Variants in GRIN3A observed in about 807,000 individuals in gnomAD.
The protein encoded by GRIN3A is glutamate ionotropic receptor NMDA type subunit 3A, also known as glutamate receptor ionotropic, NMDA 3A.
Under a neutral mutation model 92.4 loss-of-function variants are expected in GRIN3A, and 47 were observed. The ratio of observed to expected loss-of-function variants is 0.51; its 90% CI spans 0.40 to 0.65. The LOEUF (loss-of-function observed/expected upper bound fraction) is 0.65, where lower values mean the gene tolerates loss of function less well. Ranked by LOEUF, GRIN3A falls within the 30% of genes least tolerant of loss-of-function variation. GRIN3A has a pLI of 0.00. For missense variants in GRIN3A, 1,324 were observed against 1,393.1 expected (o/e 0.95, Z 0.79); for synonymous variants, 527 against 540.6 (o/e 0.97, Z 0.35).
In GRIN3A at chr9:101,631,983, G is replaced by C. The variant is rs147183295; in HGVS notation, c.2353-3582C>G. Among the ~76,000 whole-genome samples the C allele has an allele frequency of 8.4e-3, 1,282 of 152,252 alleles. 4 individuals are homozygous for C. Among genetic ancestry groups the C allele is most frequent in the Middle Eastern group, 0.024 (7 of 294 alleles). The stretch of plus-strand genomic sequence containing the variant: ...ATCAATGGCTCCCCCATGGCCCTTG[G>C]GATGAAGTCCAAACTCCTCACATGG... On this transcript the variant is annotated intron_variant, in intron 3 of 8. Transcript: ENST00000361820.
At chr9:101,700,719 C>T (rs1829741722) in intron 1 of GRIN3A, among the ~76,000 whole-genome samples, 1 of 152,036 alleles carries the variant, frequency 6.6e-6, no homozygotes, top group Non-Finnish European at 1.5e-5. Flanking sequence ...GTCAACTTTT[C>T]AGTTATTTAT....
At chr9:101,679,396 T>C (rs1432323123) in intron 2 of GRIN3A, among the ~76,000 whole-genome samples, 1 of 152,224 alleles carries the variant, frequency 6.6e-6, no homozygotes, top group Non-Finnish European at 1.5e-5. Context: ...TAAGTAAATT[T>C]GAGCTGTATT....
chr9:101,595,066 G>A, intron 6 of GRIN3A: 1 of 814,922 alleles, frequency 1.2e-6, no homozygotes, highest in Non-Finnish European at 1.9e-6. Flanking sequence ...AAAAGGGCAG[G>A]GGAGCGGAGG....
At chr9:101,701,905 A>C (rs1361743209) in intron 1 of GRIN3A, among the ~76,000 whole-genome samples, 1 of 152,110 alleles carries the variant, frequency 6.6e-6, no homozygotes, top group African/African-American at 2.4e-5. Flanking sequence ...ATCTCCCACC[A>C]GCTTACAGAT....
intron 6 of GRIN3A, among the ~76,000 whole-genome samples, chr9:101,604,919 C>T (rs1828258601): frequency 6.6e-6 from 1 of 152,190 alleles, no homozygotes; most frequent in Admixed American, 6.5e-5. Context: ...AATGGATCTG[C>T]TGTGAGAGAA....
At chr9:101,658,752 G>GTCTGTCTGTCTA (rs1476543672) in intron 3 of GRIN3A, among the ~76,000 whole-genome samples, 10 of 139,120 alleles carry the variant, frequency 7.2e-5, no homozygotes, top group South Asian at 6.9e-4. Context: ...CTATCTATCT[G>GTCTGTCTGTCTA]TCTATCTGTC....
intron 5 of GRIN3A, among the ~76,000 whole-genome samples, chr9:101,615,758 C>T (rs929198201): frequency 6.6e-6 from 1 of 152,118 alleles, no homozygotes; most frequent in Non-Finnish European, 1.5e-5. Context: ...CCCAGTATGT[C>T]CTAGTACTTA....
chr9:101,578,737 A>G (rs28736702), intron 7 of GRIN3A, among the ~76,000 whole-genome samples: 24,977 of 152,148 alleles, frequency 0.16, 2,294 homozygotes, highest in African/African-American at 0.24. Context: ...CGGCCTTGTG[A>G]AGCTTGGCCT....
intron 3 of GRIN3A, among the ~76,000 whole-genome samples, chr9:101,648,836 G>A: frequency 6.6e-6 from 1 of 151,978 alleles, no homozygotes; most frequent in South Asian, 2.1e-4. Flanking sequence ...ATCTCTTCCA[G>A]TTTTTGTGGG....
At chr9:101,594,985 G>A (rs763770294) in intron 6 of GRIN3A, 6 of 1,549,836 alleles carry the variant, frequency 3.9e-6, no homozygotes, top group East Asian at 2.2e-5. Flanking sequence ...CGGTGAGCTC[G>A]GGCGGGGCTC....
chr9:101,581,511 G>T (rs1827886820), intron 6 of GRIN3A, among the ~76,000 whole-genome samples: 1 of 151,886 alleles, frequency 6.6e-6, no homozygotes, highest in African/African-American at 2.4e-5. Context: ...AGTCCCTTTT[G>T]TTGCCCTTCC....
intron 6 of GRIN3A, among the ~76,000 whole-genome samples, chr9:101,595,953 G>T (rs999992281): frequency 8.5e-5 from 13 of 152,116 alleles, no homozygotes; most frequent in African/African-American, 2.7e-4. Context: ...TGTTCTTTCT[G>T]TTGAAGACTA....
chr9:101,594,923 G>T, intron 6 of GRIN3A: 1 of 1,597,806 alleles, frequency 6.3e-7, no homozygotes, highest in South Asian at 1.1e-5. Flanking sequence ...GTTTCCCATT[G>T]TGGACATCTG....
chr9:101,580,852 T>G (rs1827878428), intron 6 of GRIN3A, among the ~76,000 whole-genome samples: 1 of 152,238 alleles, frequency 6.6e-6, no homozygotes, highest in Admixed American at 6.5e-5. Flanking sequence ...GCTCTACTGC[T>G]ATATACCAAA....
chr9:101,602,807 G>A (rs1588243928), intron 6 of GRIN3A: 1 of 152,114 alleles, frequency 6.6e-6, no homozygotes, highest in Non-Finnish European at 1.5e-5. Context: ...ATTTATAGTA[G>A]CCAGAAAGCA....
chr9:101,609,155 C>T (rs1338461627), intron 6 of GRIN3A, among the ~76,000 whole-genome samples: 1 of 152,176 alleles, frequency 6.6e-6, no homozygotes, highest in African/African-American at 2.4e-5. Context: ...CATGATTGGC[C>T]TAATCCATCA....
chr9:101,585,384 C>T (rs769616488), intron 6 of GRIN3A, among the ~76,000 whole-genome samples: 1 of 152,148 alleles, frequency 6.6e-6, no homozygotes, highest in Non-Finnish European at 1.5e-5. Context: ...GCTTTAAATA[C>T]CACCCAGATG....
At chr9:101,661,486 GTTTTGTATCCTGAC>G (rs1412256750) in intron 3 of GRIN3A, among the ~76,000 whole-genome samples, 2 of 151,698 alleles carry the variant, frequency 1.3e-5, no homozygotes, top group Non-Finnish European at 2.9e-5. Context: ...GTAGTATGTG[GTTTTGTATCCTGAC>G]TTTTCACTTA....
intron 1 of GRIN3A, among the ~76,000 whole-genome samples, chr9:101,716,987 G>A (rs578215325): frequency 3.9e-5 from 6 of 152,070 alleles, no homozygotes; most frequent in East Asian, 1.9e-4. Context: ...AGTGACATAC[G>A]ATATCACTAC....
Sources: gnomAD v4.1 joint callset for allele counts (sites outside exome capture counted in the v4.1 genomes callset) on GRCh38, gnomAD v4.1.1 for gene constraint, MANE v1.5 for transcripts, NCBI Gene and HGNC (gene_info 2026-07-23, HGNC 2026-07-21) for gene names.